Variants in GRIK2 observed in about 807,000 individuals in gnomAD.
GRIK2 encodes the protein glutamate receptor ionotropic, kainate 2.
Under a neutral mutation model 100.3 loss-of-function variants are expected in GRIK2, and 32 were observed. The observed-to-expected ratio is 0.32, with a 90% CI of 0.24 to 0.43. The LOEUF is 0.43. Ranked by LOEUF, GRIK2 falls within the 20% of genes least tolerant of loss-of-function variation. GRIK2 has a pLI of 1.00. For synonymous variants in GRIK2, 417 were observed against 389.4 expected, an observed-to-expected ratio of 1.07 and a Z score of -0.83; for missense variants, 843 against 1,114.9, an observed-to-expected ratio of 0.76 and a Z score of 3.47.
intron 11 of GRIK2, among the ~76,000 whole-genome samples, chr6:101,869,379 C>T (rs1582418564): frequency 6.6e-6 from 1 of 151,890 alleles, no homozygotes; most frequent in East Asian, 1.9e-4. Context: ...ATTACACTAA[C>T]ATTAACCACT....
chr6:101,552,024 C>G (rs1416130522), intron 2 of GRIK2, among the ~76,000 whole-genome samples: 1 of 152,008 alleles, frequency 6.6e-6, no homozygotes. Flanking sequence ...TTTGGTCTGT[C>G]TTCAGGCTTG....
At chr6:102,023,695 T>G (rs2114375840) in intron 14 of GRIK2, among the ~76,000 whole-genome samples, 1 of 151,640 alleles carries the variant, frequency 6.6e-6, no homozygotes. Context: ...GAACATGTGC[T>G]TCAGTTTCAC....
chr6:101,902,035 T>TTACTA, intron 12 of GRIK2, among the ~76,000 whole-genome samples: 1 of 151,778 alleles, frequency 6.6e-6, no homozygotes, highest in Non-Finnish European at 1.5e-5. Context: ...GCTTAAAAAT[T>TTACTA]TAAATGATAT....
At chr6:102,057,505 T>C (rs1482540727) in intron 16 of GRIK2, among the ~76,000 whole-genome samples, 1 of 151,996 alleles carries the variant, frequency 6.6e-6, no homozygotes, top group Non-Finnish European at 1.5e-5. Flanking sequence ...ATCTATATGA[T>C]CCTCTAAAAA....
At chr6:101,689,240 T>A (rs141274401) in intron 7 of GRIK2, among the ~76,000 whole-genome samples, 1 of 152,160 alleles carries the variant, frequency 6.6e-6, no homozygotes, top group African/African-American at 2.4e-5. Flanking sequence ...ATTCATGAGA[T>A]CTCAGTGTTT....
intron 2 of GRIK2, among the ~76,000 whole-genome samples, chr6:101,464,273 G>A (rs1237149157): frequency 1.3e-5 from 2 of 152,164 alleles, no homozygotes; most frequent in Non-Finnish European, 1.5e-5. Flanking sequence ...GAGGGTCCAT[G>A]GCTTTGGCAA....
intron 7 of GRIK2, among the ~76,000 whole-genome samples, chr6:101,765,983 G>A (rs937492549): frequency 6.6e-6 from 1 of 151,958 alleles, no homozygotes; most frequent in Non-Finnish European, 1.5e-5. Flanking sequence ...TTGCATATGA[G>A]TTTAATATCA....
chr6:101,571,071 A>AT (rs35494449), intron 2 of GRIK2, among the ~76,000 whole-genome samples: 152,244 of 152,244 alleles, frequency 1, 76,122 homozygotes, highest in Non-Finnish European at 1. Flanking sequence ...TATTTTGTGT[A>AT]TGTGAGATTT....
intron 4 of GRIK2, among the ~76,000 whole-genome samples, chr6:101,670,095 T>A (rs73761390): frequency 0.011 from 1,644 of 152,118 alleles, 19 homozygotes; most frequent in African/African-American, 0.031. Flanking sequence ...CCATTTTTTT[T>A]AAAACATTGA....
intron 7 of GRIK2, among the ~76,000 whole-genome samples, chr6:101,767,942 T>C (rs1778139590): frequency 6.6e-6 from 1 of 152,194 alleles, no homozygotes; most frequent in South Asian, 2.1e-4. Flanking sequence ...ACTGTTAACT[T>C]GTACCACACA....
chr6:102,043,174 C>A (rs1770686313), intron 15 of GRIK2, among the ~76,000 whole-genome samples: 1 of 151,586 alleles, frequency 6.6e-6, no homozygotes, highest in African/African-American at 2.4e-5. Context: ...TTAAACTAAA[C>A]AGTTATAATG....
intron 2 of GRIK2, among the ~76,000 whole-genome samples, chr6:101,516,755 G>A (rs1774605272): frequency 6.6e-6 from 1 of 152,098 alleles, no homozygotes; most frequent in Non-Finnish European, 1.5e-5. Context: ...GATTCAGTTA[G>A]AAATTTGGCT....
intron 11 of GRIK2, among the ~76,000 whole-genome samples, chr6:101,872,511 C>A (rs925587061): frequency 6.6e-6 from 1 of 151,824 alleles, no homozygotes; most frequent in Non-Finnish European, 1.5e-5. Flanking sequence ...GATTGAATTA[C>A]CTACCATCTG....
At chr6:101,453,287 A>T (rs1395584227) in intron 2 of GRIK2, among the ~76,000 whole-genome samples, 1 of 151,858 alleles carries the variant, frequency 6.6e-6, no homozygotes, top group Non-Finnish European at 1.5e-5. Flanking sequence ...AAGCTAGAGG[A>T]AACAAATTAA....
intron 7 of GRIK2, among the ~76,000 whole-genome samples, chr6:101,753,313 C>T (rs905730038): frequency 1.3e-5 from 2 of 149,188 alleles, no homozygotes; most frequent in Admixed American, 6.7e-5. Flanking sequence ...GAAAATAACA[C>T]GATCACCATG....
intron 7 of GRIK2, among the ~76,000 whole-genome samples, chr6:101,765,815 A>G (rs1376268693): frequency 2.6e-5 from 4 of 152,196 alleles, no homozygotes; most frequent in Non-Finnish European, 5.9e-5. Flanking sequence ...GCATGTGATT[A>G]AAACTACTCT....
chr6:101,496,062 C>T (rs1773426909), intron 2 of GRIK2, among the ~76,000 whole-genome samples: 2 of 152,250 alleles, frequency 1.3e-5, no homozygotes, highest in Admixed American at 1.3e-4. Context: ...TCTCATGCCT[C>T]AGCTTCCCAA....
intron 2 of GRIK2, among the ~76,000 whole-genome samples, chr6:101,418,601 A>G (rs866765495): frequency 1.3e-5 from 2 of 152,052 alleles, no homozygotes; most frequent in African/African-American, 2.4e-5. Flanking sequence ...CCAAGGGAGT[A>G]TGGTGGGGGT....
At chr6:101,866,880 G>A (rs1442062065) in intron 11 of GRIK2, among the ~76,000 whole-genome samples, 2 of 151,232 alleles carry the variant, frequency 1.3e-5, no homozygotes, top group African/African-American at 2.4e-5. Context: ...CCCCAGCTAA[G>A]ACTTTATCTC....
Sources: gnomAD v4.1 joint callset for allele counts (sites outside exome capture counted in the v4.1 genomes callset) on GRCh38, gnomAD v4.1.1 for gene constraint, MANE v1.5 for transcripts, NCBI Gene and HGNC (gene_info 2026-07-23, HGNC 2026-07-21) for gene names.